Variants in ANGPT1 observed in about 807,000 individuals in gnomAD.
The protein encoded by ANGPT1 is angiopoietin 1.
In ANGPT1, 17 loss-of-function variants were observed where a neutral mutation model predicts 62.2. The ratio of observed to expected loss-of-function variants is 0.27; its 90% CI spans 0.19 to 0.41. The LOEUF (loss-of-function observed/expected upper bound fraction) is 0.41, where lower values mean the gene tolerates loss of function less well. ANGPT1 is among the 10% of genes least tolerant of loss of function. The pLI is 1.00. For missense variants in ANGPT1, 478 were observed against 594.9 expected, an observed-to-expected ratio of 0.80 and a Z score of 2.04; for synonymous variants, 199 against 198.9, an observed-to-expected ratio of 1.00 and a Z score of 0.00.
intron 1 of ANGPT1, among the ~76,000 whole-genome samples, chr8:107,373,226 A>G (rs930403707): frequency 2.6e-5 from 4 of 151,920 alleles, no homozygotes; most frequent in Non-Finnish European, 4.4e-5. Context: ...TACTCTCTTA[A>G]GTGGTCATTA....
intron 1 of ANGPT1, among the ~76,000 whole-genome samples, chr8:107,435,481 T>C (rs1338400960): frequency 6.6e-6 from 1 of 152,224 alleles, no homozygotes; most frequent in Non-Finnish European, 1.5e-5. Flanking sequence ...GGTCTGGTGC[T>C]AGGCCCATAA....
chr8:107,262,369 A>C (rs1405357757), intron 8 of ANGPT1, among the ~76,000 whole-genome samples: 2 of 152,212 alleles, frequency 1.3e-5, no homozygotes, highest in African/African-American at 4.8e-5. Flanking sequence ...GTACACTACT[A>C]CTTCACTAAT....
chr8:107,339,310 C>T (rs1815644470), intron 2 of ANGPT1, among the ~76,000 whole-genome samples: 1 of 152,194 alleles, frequency 6.6e-6, no homozygotes, highest in Admixed American at 6.5e-5. Flanking sequence ...TTCCAAAGCC[C>T]TCAGCCTGGT....
rs1333909606 is a variant in ANGPT1 at position 107,312,762 on chromosome 8, C to T, written c.808+9134G>A. On this transcript the variant is annotated intron_variant, in intron 4 of 8. Coordinates refer to ENST00000517746, the MANE Select transcript of ANGPT1 (RefSeq NM_001146.5). The stretch of plus-strand genomic sequence containing the variant: ...ATGTAGGTTTGTGTAGGATACCAGG[C>T]AAACTCTAAGGTGTGCCATACTTCT... 2.6e-5 allele frequency among the ~76,000 whole-genome samples: 4 copies of T among 152,166 alleles called. No individual in the cohort carries two copies. In the East Asian group the frequency reaches 7.7e-4, roughly 29 times the overall value.
intron 4 of ANGPT1, among the ~76,000 whole-genome samples, chr8:107,313,857 A>G (rs1288014041): frequency 6.6e-6 from 1 of 152,204 alleles, no homozygotes; most frequent in Non-Finnish European, 1.5e-5. Flanking sequence ...AACATTCCCC[A>G]GATTTTACCT....
chr8:107,433,126 G>A (rs1811239796), intron 1 of ANGPT1, among the ~76,000 whole-genome samples: 2 of 152,004 alleles, frequency 1.3e-5, no homozygotes, highest in South Asian at 4.1e-4. Context: ...TAGTAGTTGA[G>A]ATCATTGCCC....
At chr8:107,402,945 T>C (rs920144717) in intron 1 of ANGPT1, among the ~76,000 whole-genome samples, 3 of 152,190 alleles carry the variant, frequency 2.0e-5, no homozygotes, top group African/African-American at 7.2e-5. Context: ...ATTTCAGTTT[T>C]GTTTGAGAGG....
At chr8:107,424,945 A>G (rs1242122527) in intron 1 of ANGPT1, among the ~76,000 whole-genome samples, 1 of 152,082 alleles carries the variant, frequency 6.6e-6, no homozygotes, top group Non-Finnish European at 1.5e-5. Context: ...CATCATCTCG[A>G]CTCACTGCAA....
At chr8:107,378,208 C>T (rs1407031916) in intron 1 of ANGPT1, among the ~76,000 whole-genome samples, 1 of 152,080 alleles carries the variant, frequency 6.6e-6, no homozygotes, top group Non-Finnish European at 1.5e-5. Flanking sequence ...AGGGAGTGCT[C>T]TTTTATACTT....
intron 1 of ANGPT1, among the ~76,000 whole-genome samples, chr8:107,422,781 C>T (rs943034406): frequency 6.6e-6 from 1 of 151,988 alleles, no homozygotes; most frequent in East Asian, 1.9e-4. Context: ...CATTAACTGC[C>T]CAAATTAGTG....
intron 4 of ANGPT1, among the ~76,000 whole-genome samples, chr8:107,315,566 T>C (rs949943251): frequency 2.6e-5 from 4 of 152,110 alleles, no homozygotes; most frequent in African/African-American, 4.8e-5. Context: ...CCTTCATAAC[T>C]GTCCTTTTTT....
intron 2 of ANGPT1, chr8:107,336,529 GTA>G: frequency 3.2e-6 from 1 of 315,364 alleles, no homozygotes; most frequent in Non-Finnish European, 5.3e-6. Context: ...GCCGGGCGTG[GTA>G]GCGGGCGCCT....
At chr8:107,365,573 T>C (rs568129651) in intron 1 of ANGPT1, among the ~76,000 whole-genome samples, 1 of 152,264 alleles carries the variant, frequency 6.6e-6, no homozygotes, top group Admixed American at 6.5e-5. Context: ...ATCTGGGGCA[T>C]GTCTACTGGT....
chr8:107,401,258 C>CT (rs1817041799), intron 1 of ANGPT1, among the ~76,000 whole-genome samples: 2 of 150,376 alleles, frequency 1.3e-5, no homozygotes, highest in Non-Finnish European at 3.0e-5. Flanking sequence ...AAGTGATCTT[C>CT]TGTCACTAAA....
Position 107,294,063 on chromosome 8 carries a change from T to C in ANGPT1, c.937-26A>G, listed in dbSNP as rs1325640994. Reference sequence around the variant, plus strand: ...CTGACAAATGGAAAACAAAGTCAAGTAAAAAATACTTCTACTTTAAAAAAC... The same window carrying C: ...CTGACAAATGGAAAACAAAGTCAAGCAAAAAATACTTCTACTTTAAAAAAC... On this transcript the variant is annotated intron_variant, in intron 5 of 8. Coordinates refer to ENST00000517746, the MANE Select transcript of ANGPT1 (RefSeq NM_001146.5). The C allele has an allele frequency of 1.9e-6, 3 of 1,548,234 alleles. No individual in the cohort carries two copies. In the East Asian group the frequency reaches 6.8e-5, roughly 35 times the overall value.
At chr8:107,467,164 C>T (rs1405844400) in intron 1 of ANGPT1, among the ~76,000 whole-genome samples, 2 of 151,944 alleles carry the variant, frequency 1.3e-5, no homozygotes, top group Non-Finnish European at 2.9e-5. Context: ...ATGTTCCAAA[C>T]ACAAGGAAAT....
At chr8:107,415,905 A>G (rs1399208688) in intron 1 of ANGPT1, among the ~76,000 whole-genome samples, 1 of 152,174 alleles carries the variant, frequency 6.6e-6, no homozygotes, top group Non-Finnish European at 1.5e-5. Context: ...ACCAGAAGTA[A>G]AGTGAAGAAA....
chr8:107,312,975 G>A (rs1332766154), intron 4 of ANGPT1, among the ~76,000 whole-genome samples: 1 of 152,070 alleles, frequency 6.6e-6, no homozygotes, highest in African/African-American at 2.4e-5. Flanking sequence ...ATTAAGATTA[G>A]GTTTGTGCGT....
chr8:107,451,338 C>CAA (rs1309417142), intron 1 of ANGPT1, among the ~76,000 whole-genome samples: 1 of 151,438 alleles, frequency 6.6e-6, no homozygotes, highest in Admixed American at 6.6e-5. Flanking sequence ...CACACACACA[C>CAA]ACGTGTACGT....
Sources: gnomAD v4.1 joint callset for allele counts (sites outside exome capture counted in the v4.1 genomes callset) on GRCh38, gnomAD v4.1.1 for gene constraint, MANE v1.5 for transcripts, NCBI Gene and HGNC (gene_info 2026-07-23, HGNC 2026-07-21) for gene names.